PRKCE: variants seen among roughly 807,000 people sequenced by gnomAD.
The protein encoded by PRKCE is protein kinase C epsilon.
A neutral mutation model predicts 85.4 loss-of-function variants in PRKCE; 16 were observed. That is an observed-to-expected ratio of 0.19 (90% confidence interval 0.13 to 0.28). PRKCE has a LOEUF of 0.28. PRKCE is among the 10% of genes least tolerant of loss of function. The probability of loss-of-function intolerance (pLI) is 1.00; values close to 1 mark genes in which losing one functional copy is unlikely to be tolerated. For missense variants in PRKCE, 573 were observed against 975.2 expected, an observed-to-expected ratio of 0.59 and a Z score of 5.49; for synonymous variants, 388 against 371.5, an observed-to-expected ratio of 1.04 and a Z score of -0.51.
chr2:45,995,051 A>G (rs1704107247), intron 6 of PRKCE, among the ~76,000 whole-genome samples: 1 of 152,180 alleles, frequency 6.6e-6, no homozygotes, highest in Admixed American at 6.5e-5. Context: ...GAAGTGGAGC[A>G]TCTTCTCCTA....
Position 46,087,158 on chromosome 2 carries a change from C to CT in PRKCE, c.1592+809dup, listed in dbSNP as rs66723838. Among the ~76,000 whole-genome samples, 432 of 147,810 alleles carry CT rather than the reference C, an allele frequency of 2.9e-3. 1 individual carries two copies. Among genetic ancestry groups the CT allele is most frequent in the African/African-American group, 9.8e-3 (392 of 40,044 alleles). ...TTATTTTATTTTATTCTATTCTATT[C>CT]TTTTTTTTTTTTTAATTGGGTAGAG... On this transcript the variant is annotated intron_variant, in intron 11 of 14. Coordinates refer to ENST00000306156, the MANE Select transcript of PRKCE (RefSeq NM_005400.3).
At chr2:46,178,246 G>A (rs1679623376) in intron 14 of PRKCE, among the ~76,000 whole-genome samples, 2 of 152,154 alleles carry the variant, frequency 1.3e-5, no homozygotes, top group Non-Finnish European at 2.9e-5. Context: ...GGCAACAAGA[G>A]CGAAACTCTG....
rs1558540955 is a variant in PRKCE, at chr2:46,185,568, T to C, written c.*687T>C. 1 of 152,702 alleles carries C rather than the reference T, an allele frequency of 6.5e-6. No individual in the cohort carries two copies. Among genetic ancestry groups the C allele is most frequent in the Non-Finnish European group, 1.5e-5 (1 of 68,064 alleles). The allele number at this position is 152,702 out of a possible 1,614,324, so 9.5% of individuals were successfully genotyped here. A position where few individuals can be genotyped will look rare whatever the true frequency, so the allele number is the denominator to read the frequency against. On this transcript the variant is annotated 3_prime_UTR_variant, in exon 15 of 15. Coordinates refer to ENST00000306156, the MANE Select transcript of PRKCE (RefSeq NM_005400.3). This position sits in a 1 kb window ranked among gnomAD's most constrained non-coding sequence, Gnocchi z 4.7. ...GAAAAAGAAACAGGGTTTTGAACTC[T>C]GTTAACATTTGAAAAATATATTTTC... is the stretch of plus-strand genomic sequence containing the variant.
chr2:45,735,844 G>A (rs1339104247), intron 1 of PRKCE, among the ~76,000 whole-genome samples: 1 of 152,258 alleles, frequency 6.6e-6, no homozygotes, highest in Non-Finnish European at 1.5e-5. Context: ...TCATTCTTGA[G>A]TTGCGGAGGG....
intron 2 of PRKCE, among the ~76,000 whole-genome samples, chr2:45,855,819 A>G (rs1475735631): frequency 6.6e-6 from 1 of 152,134 alleles, no homozygotes. Flanking sequence ...GCAGTGGGTG[A>G]TGTATTGCCA....
chr2:45,656,602 A>T (rs770752176), intron 1 of PRKCE, among the ~76,000 whole-genome samples: 6 of 152,242 alleles, frequency 3.9e-5, no homozygotes, highest in Non-Finnish European at 7.3e-5. Flanking sequence ...TGTACATAAG[A>T]ATCAGTAAGG....
chr2:45,843,750 TAAC>T (rs558080270), intron 2 of PRKCE, among the ~76,000 whole-genome samples: 22 of 152,340 alleles, frequency 1.4e-4, no homozygotes, highest in African/African-American at 5.1e-4. Flanking sequence ...AACAAGGAGA[TAAC>T]AACCAACTTA....
At position 45,873,631 on chromosome 2, in the gene PRKCE, A is replaced by G. The variant is rs145843383; in HGVS notation, c.412+30568A>G. On this transcript the variant is annotated intron_variant, in intron 2 of 14. Coordinates refer to ENST00000306156, the MANE Select transcript of PRKCE (RefSeq NM_005400.3). ...AAGATGCAGGTACTCCCCTTTGCCA[A>G]ATGAAGTCAGCAGTTTACCTTTGCT... 7.2e-5 allele frequency among the ~76,000 whole-genome samples: 11 copies of G among 152,288 alleles called. No individual in the cohort carries two copies. The East Asian group carries it at 1.5e-3, about 21-fold the overall frequency.
At position 45,740,846 on chromosome 2, in the gene PRKCE, C is replaced by T. The variant is rs919836907; in HGVS notation, c.348+88398C>T. 2.0e-5 allele frequency among the ~76,000 whole-genome samples: 3 copies of T among 152,200 alleles called. No homozygotes were observed. In the South Asian group the frequency reaches 6.2e-4, roughly 31 times the overall value. On this transcript the variant is annotated intron_variant, in intron 1 of 14. Coordinates refer to ENST00000306156, the MANE Select transcript of PRKCE (RefSeq NM_005400.3). ...GAAAGTGCAGTATTACAAGGAGATA[C>T]TGTATAACATGCAGATTACAGAGTG...
chr2:45,827,347 G>C (rs1690030223), intron 1 of PRKCE, among the ~76,000 whole-genome samples: 1 of 152,222 alleles, frequency 6.6e-6, no homozygotes, highest in African/African-American at 2.4e-5. Flanking sequence ...ATAAATGAAG[G>C]ATCTATTCTG....
At chr2:46,133,302 A>G (rs1210320579) in intron 11 of PRKCE, among the ~76,000 whole-genome samples, 1 of 152,184 alleles carries the variant, frequency 6.6e-6, no homozygotes, top group East Asian at 1.9e-4. Flanking sequence ...TGGGCCCAAA[A>G]GAGGTGAAAC....
intron 10 of PRKCE, among the ~76,000 whole-genome samples, chr2:46,083,713 GC>G (rs1001827564): frequency 1.3e-5 from 2 of 152,166 alleles, no homozygotes; most frequent in African/African-American, 4.8e-5. Context: ...TTCAGACTCC[GC>G]CCCAGATCTT....
At chr2:45,852,870 T>C (rs181846297) in intron 2 of PRKCE, among the ~76,000 whole-genome samples, 3 of 152,276 alleles carry the variant, frequency 2.0e-5, no homozygotes, top group Non-Finnish European at 4.4e-5. Context: ...GGAAAACCTG[T>C]AAAAATGGAG....
chr2:45,821,927 C>T (rs1029732765), intron 1 of PRKCE, among the ~76,000 whole-genome samples: 2 of 152,028 alleles, frequency 1.3e-5, no homozygotes, highest in Middle Eastern at 3.2e-3. Flanking sequence ...GCACCAGGGA[C>T]GAGAATGGAA....
intron 1 of PRKCE, chr2:45,677,715 T>C (rs1313507385): frequency 4.5e-6 from 1 of 224,674 alleles, no homozygotes; most frequent in East Asian, 1.8e-4. Flanking sequence ...ATTAGGAAAC[T>C]GCTTTAGGTA....
At chr2:46,152,273 C>A (rs1676715988) in intron 13 of PRKCE, among the ~76,000 whole-genome samples, 1 of 151,766 alleles carries the variant, frequency 6.6e-6, no homozygotes, top group South Asian at 2.1e-4. Context: ...TCTCCTCCTC[C>A]CAGGTTCAAG....
intron 1 of PRKCE, among the ~76,000 whole-genome samples, chr2:45,718,692 G>C (rs1249830502): frequency 6.6e-6 from 1 of 152,112 alleles, no homozygotes; most frequent in Non-Finnish European, 1.5e-5. Flanking sequence ...CAGGAAAATT[G>C]TGTGTTATGT....
chr2:45,761,694 C>T (rs76131191), intron 1 of PRKCE, among the ~76,000 whole-genome samples: 1,842 of 152,256 alleles, frequency 0.012, 17 homozygotes, highest in Non-Finnish European at 0.02. Flanking sequence ...CCACAGTCTT[C>T]TGTTCTAAGC....
At chr2:46,012,814 C>T (rs770330092) in intron 10 of PRKCE, among the ~76,000 whole-genome samples, 1 of 152,214 alleles carries the variant, frequency 6.6e-6, no homozygotes, top group Non-Finnish European at 1.5e-5. Context: ...AAGGATTCCT[C>T]ATCATATGGC....
Sources: allele counts gnomAD v4.1 joint callset (sites outside exome capture counted in the v4.1 genomes callset), GRCh38; gene constraint gnomAD v4.1.1; non-coding constraint Gnocchi (gnomAD v3.1); transcripts MANE v1.5; gene names NCBI Gene and HGNC (gene_info 2026-07-23, HGNC 2026-07-21).